VWA8: variants seen among roughly 807,000 people sequenced by gnomAD.
VWA8 encodes the protein von Willebrand factor A domain-containing protein 8.
VWA8 carries 221 observed loss-of-function variants against 241.5 expected under a neutral mutation model. The observed-to-expected ratio is 0.91, with a 90% CI of 0.82 to 1.02. The LOEUF is 1.02. VWA8 is among the 50% of genes least tolerant of loss of function. The pLI is 0.00. For synonymous variants in VWA8, 852 were observed against 827.1 expected (o/e 1.03, Z -0.52); for missense variants, 2,322 against 2,328.7 (o/e 1.00, Z 0.06).
intron 21 of VWA8, among the ~76,000 whole-genome samples, chr13:41,737,311 G>C (rs567873149): frequency 1.3e-5 from 2 of 152,256 alleles, no homozygotes; most frequent in South Asian, 4.1e-4. Context: ...TTTAAAATGA[G>C]TAATGAAATA....
chr13:41,700,267 A>C (rs1593705175), intron 28 of VWA8, among the ~76,000 whole-genome samples: 1 of 151,990 alleles, frequency 6.6e-6, no homozygotes, highest in East Asian at 1.9e-4. Flanking sequence ...TGTATGCATC[A>C]TATCTATTTA....
intron 21 of VWA8, among the ~76,000 whole-genome samples, chr13:41,752,043 C>T (rs2045660329): frequency 6.6e-6 from 1 of 152,144 alleles, no homozygotes; most frequent in Non-Finnish European, 1.5e-5. Context: ...CTGTTAACTT[C>T]TCTTTTCCCC....
At chr13:41,721,131 C>A (rs952697754) in intron 25 of VWA8, among the ~76,000 whole-genome samples, 1 of 152,196 alleles carries the variant, frequency 6.6e-6, no homozygotes, top group Non-Finnish European at 1.5e-5. Flanking sequence ...AGCCTCCCAC[C>A]AAATTTCCTA....
At chr13:41,768,559 AAG>A (rs894871465) in intron 20 of VWA8, among the ~76,000 whole-genome samples, 3 of 152,202 alleles carry the variant, frequency 2.0e-5, no homozygotes, top group Admixed American at 6.5e-5. Context: ...GACTGTATAA[AAG>A]AGTTAAAAAA....
chr13:41,673,600 A>G lies in VWA8; in HGVS notation c.4409+1615T>C, dbSNP rs139180496. On this transcript the variant is annotated intron_variant, in intron 36 of 44. Coordinates refer to ENST00000379310, the MANE Select transcript of VWA8 (RefSeq NM_015058.2). ...GAGACTTAGGGAAAAAAAGGAATGT[A>G]AAATATTTCATTAAAAATTTCATAT... Among the ~76,000 whole-genome samples the G allele has an allele frequency of 2.2e-4, 34 of 152,390 alleles. 1 individual carries two copies. In the East Asian group the frequency reaches 6.5e-3, roughly 29 times the overall value.
At chr13:41,689,843 C>T (rs1566416121) in intron 33 of VWA8, among the ~76,000 whole-genome samples, 2 of 151,724 alleles carry the variant, frequency 1.3e-5, no homozygotes, top group African/African-American at 2.4e-5. Context: ...ATTCATCCCC[C>T]AAAACTGTGA....
intron 21 of VWA8, among the ~76,000 whole-genome samples, chr13:41,747,524 T>A (rs570061340): frequency 3.9e-5 from 6 of 152,312 alleles, no homozygotes; most frequent in African/African-American, 1.2e-4. Flanking sequence ...TTTCTAGATA[T>A]ACAATCATGT....
chr13:41,649,982 T>A (rs1004191248), intron 37 of VWA8, among the ~76,000 whole-genome samples: 1 of 152,190 alleles, frequency 6.6e-6, no homozygotes, highest in Non-Finnish European at 1.5e-5. Context: ...TTACGTTAAG[T>A]TATGAACCTA....
rs1197781505 is a variant in VWA8, at chr13:41,575,825, C to G, written c.5285G>C (p.Gly1762Ala). The G allele has an allele frequency of 6.2e-7, 1 of 1,611,888 alleles. No individual in the cohort carries two copies. Among genetic ancestry groups the G allele is most frequent in the East Asian group, 2.2e-5 (1 of 44,844 alleles). Residue 1762 changes from glycine (G) to alanine (A), a missense_variant, in exon 43 of 45, where the codon GGA becomes GCA. Coordinates refer to ENST00000379310, the MANE Select transcript of VWA8 (RefSeq NM_015058.2). ...AATGTTGTAGCCATCTCCAGAGTGTCCAACGATGTCATACTACATGCAAGA... is the reference window on the plus strand; with the variant it reads ...AATGTTGTAGCCATCTCCAGAGTGTGCAACGATGTCATACTACATGCAAGA... ...YEEKFQYDIV[G>A]HSGDGYNIGL...
intron 18 of VWA8, among the ~76,000 whole-genome samples, chr13:41,784,745 T>TATATATATACACACACAC (rs1555335154): frequency 2.9e-5 from 3 of 102,270 alleles, no homozygotes; most frequent in South Asian, 3.6e-4. Flanking sequence ...CACATATATA[T>TATATATATACACACACAC]ATATATATAT....
chr13:41,796,911 T>A (rs1056958324), intron 17 of VWA8, among the ~76,000 whole-genome samples: 1 of 152,226 alleles, frequency 6.6e-6, no homozygotes, highest in Non-Finnish European at 1.5e-5. Context: ...ATTTAAATTT[T>A]CCAACTAAAT....
intron 20 of VWA8, 36 bp from the exon 21 acceptor site, chr13:41,761,240 C>T (rs758660026): frequency 4.4e-6 from 7 of 1,592,480 alleles, no homozygotes; most frequent in Non-Finnish European, 6.0e-6. Context: ...CAAAAAGAGG[C>T]TATTTTCTGG....
rs748390205 is a variant in VWA8, at chr13:41,883,414, C to T, written c.1053G>A (p.Gly351=). ...YPYSILLGHE[G]KMAVEGVLKR... ...TTAAAACACCTTCCACAGCCATCTT[C>T]CCTTCATGACCTAGTAAAATACTAT... Residue 351 remains glycine, a synonymous_variant, in exon 9 of 45, where the codon GGG becomes GGA. Transcript: ENST00000379310. 1.2e-6 allele frequency: 2 copies of T among 1,613,340 alleles called. No individual in the cohort carries two copies. The highest frequency in any genetic ancestry group is 8.5e-7 in the Non-Finnish European group (1 of 1,179,476).
intron 26 of VWA8, among the ~76,000 whole-genome samples, chr13:41,712,480 G>A (rs2045324785): frequency 6.6e-6 from 1 of 152,108 alleles, no homozygotes. Flanking sequence ...ATTAATATGA[G>A]GAAAACTGTA....
chr13:41,689,525 T>G lies in VWA8; in HGVS notation c.3977-17A>C. The G allele has an allele frequency of 6.3e-7, 1 of 1,589,022 alleles. No homozygotes were observed. ...ACTCTGTTTCTGAAAAGTACAAACA[T>G]TAGACACCATATGCTCCTGAAATGC... is the stretch of plus-strand genomic sequence containing the variant. On this transcript the variant is annotated splice_polypyrimidine_tract_variant and intron_variant, in intron 33 of 44. Transcript: ENST00000379310.
At chr13:41,731,610 G>A (rs993552491) in intron 22 of VWA8, among the ~76,000 whole-genome samples, 1 of 152,128 alleles carries the variant, frequency 6.6e-6, no homozygotes, top group Non-Finnish European at 1.5e-5. Context: ...CAGTTAGGCT[G>A]AAACGTATTA....
At chr13:41,701,598 C>A in intron 27 of VWA8, 68 bp from the exon 28 acceptor site, 2 of 1,400,180 alleles carry the variant, frequency 1.4e-6, no homozygotes, top group South Asian at 1.7e-5. Flanking sequence ...AGCTAAAGTT[C>A]TTCCAAAATA....
At chr13:41,933,833 T>C (rs1877232201) in intron 2 of VWA8, among the ~76,000 whole-genome samples, 1 of 151,824 alleles carries the variant, frequency 6.6e-6, no homozygotes, top group South Asian at 2.1e-4. Flanking sequence ...CAGACACAAA[T>C]GTAAAATGCA....
chr13:41,629,117 G>A, intron 37 of VWA8, among the ~76,000 whole-genome samples: 1 of 152,076 alleles, frequency 6.6e-6, no homozygotes, highest in East Asian at 1.9e-4. Context: ...ACTGAGGGTG[G>A]AGGTTAGGAG....
Sources: allele counts gnomAD v4.1 joint callset (sites outside exome capture counted in the v4.1 genomes callset), GRCh38; gene constraint gnomAD v4.1.1; transcripts MANE v1.5; gene names NCBI Gene and HGNC (gene_info 2026-07-23, HGNC 2026-07-21).